Variants in TNRC6B observed in about 807,000 individuals in gnomAD.
TNRC6B encodes the protein trinucleotide repeat containing adaptor 6B.
In TNRC6B, 52 loss-of-function variants were observed where a neutral mutation model predicts 203.6. The observed-to-expected ratio is 0.26, with a 90% CI of 0.20 to 0.32. TNRC6B has a LOEUF of 0.32. Ranked by LOEUF, TNRC6B falls within the 10% of genes least tolerant of loss-of-function variation. TNRC6B has a pLI of 1.00. For synonymous variants in TNRC6B, 838 were observed against 845.7 expected (o/e 0.99, Z 0.16); for missense variants, 1,923 against 2,286.2 (o/e 0.84, Z 3.24).
Position 40,329,512 on chromosome 22 carries a change from C to T in TNRC6B, c.*6271C>T, listed in dbSNP as rs2071442145. 6.6e-6 allele frequency: 1 copy of T among 152,078 alleles called. No homozygotes were observed. Among genetic ancestry groups the T allele is most frequent in the African/African-American group, 2.4e-5 (1 of 41,392 alleles). 9.4% of individuals were successfully genotyped at this position (152,078 alleles called of 1,614,324 possible). ...TGAAATAATTATCAGCTCCAAGAAT[C>T]TGTGAACATAGTAATAACAATAAAA... On this transcript the variant is annotated 3_prime_UTR_variant, in exon 23 of 23. Transcript: ENST00000454349.
intron 17 of TNRC6B, 72 bp from the exon 18 acceptor site, chr22:40,312,433 A>T: frequency 6.9e-7 from 1 of 1,446,834 alleles, no homozygotes; most frequent in Non-Finnish European, 9.3e-7. Flanking sequence ...CCCATTTCTT[A>T]TGTCAAAAAA....
intron 21 of TNRC6B, 109 bp downstream of exon 21, chr22:40,316,121 G>A (rs1409858695): frequency 1.2e-5 from 11 of 917,740 alleles, no homozygotes; most frequent in African/African-American, 6.6e-5. Context: ...TTGGGAGGCC[G>A]AGGCGGGTGC....
At chr22:40,167,625 A>G (rs912949324) in intron 4 of TNRC6B, among the ~76,000 whole-genome samples, 2 of 150,322 alleles carry the variant, frequency 1.3e-5, no homozygotes, top group African/African-American at 4.9e-5. Context: ...CCGTGGCTCA[A>G]TCCTAGCACT....
In TNRC6B at chr22:40,254,190, C is replaced by CTTAAGG. The variant is rs1234371878; in HGVS notation, c.115+2991_115+2992insTAAGGT. Among the ~76,000 whole-genome samples, 3 of 152,250 alleles carry CTTAAGG rather than the reference C, an allele frequency of 2.0e-5. No individual in the cohort carries two copies. The East Asian group carries it at 5.8e-4, about 29-fold the overall frequency. On this transcript the variant is annotated intron_variant, in intron 3 of 22. Transcript: ENST00000454349. ...TAATAGAAAGCACTTAAGGTAGAAG[C>CTTAAGG]TAATATCCTCCTTCGTTGGATTTTA...
chr22:40,058,460 G>A (rs1207734160), intron 1 of TNRC6B, among the ~76,000 whole-genome samples: 2 of 147,736 alleles, frequency 1.4e-5, no homozygotes, highest in East Asian at 1.9e-4. Context: ...ACATTGTGGC[G>A]CCAGCCTGCG....
At chr22:40,147,469 G>A (rs984931591) in intron 3 of TNRC6B, among the ~76,000 whole-genome samples, 2 of 152,268 alleles carry the variant, frequency 1.3e-5, no homozygotes, top group East Asian at 3.9e-4. Context: ...TTTTCTGATA[G>A]TTCTAGAGGC....
Position 40,323,311 on chromosome 22 carries a change from T to TG in TNRC6B, c.*70_*71insG. On this transcript the variant is annotated 3_prime_UTR_variant, in exon 23 of 23. Transcript: ENST00000454349. ...CAGCAGCACTAACTTGACCTTTTCG[T>TG]TTTTTTTTTCAACTTGCAATAAATA... is the stretch of plus-strand genomic sequence containing the variant. The TG allele has an allele frequency of 7.1e-7, 1 of 1,405,380 alleles. No individual in the cohort carries two copies. The highest frequency in any genetic ancestry group is 2.5e-5 in the Admixed American group (1 of 39,916). The allele number at this position is 1,405,380 out of a possible 1,614,324, so 87.1% of individuals were successfully genotyped here.
intron 1 of TNRC6B, among the ~76,000 whole-genome samples, chr22:40,099,253 C>T (rs1416964579): frequency 3.0e-5 from 4 of 132,014 alleles, no homozygotes; most frequent in Non-Finnish European, 4.6e-5. Context: ...GACTCTGTCT[C>T]GAAAAAAAAA....
chr22:40,234,790 A>G (rs760564541), intron 1 of TNRC6B, among the ~76,000 whole-genome samples: 1 of 152,198 alleles, frequency 6.6e-6, no homozygotes, highest in Non-Finnish European at 1.5e-5. Context: ...TTTATGCCCT[A>G]GTGCTATTTG....
At chr22:40,299,933 T>G (rs1442556232) in intron 12 of TNRC6B, among the ~76,000 whole-genome samples, 3 of 152,226 alleles carry the variant, frequency 2.0e-5, no homozygotes. Context: ...TCAGTGACCT[T>G]CCAGGCTCTT....
chr22:40,109,375 G>T (rs2068313877), intron 1 of TNRC6B, among the ~76,000 whole-genome samples: 1 of 152,158 alleles, frequency 6.6e-6, no homozygotes, highest in Non-Finnish European at 1.5e-5. Context: ...TTCCACAATG[G>T]TTGAACTCAT....
rs1176754429 is a variant in TNRC6B, at chr22:40,332,936, A to G, written c.*9695A>G. Reference sequence around the variant, plus strand: ...AAGCCATCAGAAGTTTCAGATCTTTACTCTTTCATGTTTAAGAAGAAAGAG... The same window carrying G: ...AAGCCATCAGAAGTTTCAGATCTTTGCTCTTTCATGTTTAAGAAGAAAGAG... On this transcript the variant is annotated 3_prime_UTR_variant, in exon 23 of 23. Coordinates refer to ENST00000454349, the MANE Select transcript of TNRC6B (RefSeq NM_001162501.2). 2 of 152,362 alleles carry G rather than the reference A, an allele frequency of 1.3e-5. No individual in the cohort carries two copies. The highest frequency in any genetic ancestry group is 2.9e-5 in the Non-Finnish European group (2 of 67,998). The allele number at this position is 152,362 out of a possible 1,614,324, so 9.4% of individuals were successfully genotyped here. A position where few individuals can be genotyped will look rare whatever the true frequency, so the allele number is the denominator to read the frequency against.
At chr22:40,245,074 C>CATTTATTTATTT (rs36155056) in intron 1 of TNRC6B, among the ~76,000 whole-genome samples, 219 of 149,540 alleles carry the variant, frequency 1.5e-3, no homozygotes, top group South Asian at 3.6e-3. Flanking sequence ...ATAGGACATA[C>CATTTATTTATTT]ATTTATTTAT....
chr22:40,252,527 G>A (rs2070210057), intron 3 of TNRC6B, among the ~76,000 whole-genome samples: 1 of 152,202 alleles, frequency 6.6e-6, no homozygotes, highest in South Asian at 2.1e-4. Flanking sequence ...CTTAGTTATG[G>A]AAAATAAATT....
chr22:40,113,258 C>G (rs541410066), intron 1 of TNRC6B, among the ~76,000 whole-genome samples: 122 of 152,290 alleles, frequency 8.0e-4, no homozygotes, highest in African/African-American at 2.9e-3. Flanking sequence ...AGGGAGTGGC[C>G]TAAAACTGCA....
At chr22:40,175,509 CT>C (rs2069047762), upstream of TNRC6B, among the ~76,000 whole-genome samples, 1 of 152,108 alleles carries the variant, frequency 6.6e-6, no homozygotes. Context: ...CAATAATATT[CT>C]ACACTGGGGA....
intron 1 of TNRC6B, among the ~76,000 whole-genome samples, chr22:40,205,492 T>C (rs1444123590): frequency 6.6e-6 from 1 of 152,198 alleles, no homozygotes; most frequent in Non-Finnish European, 1.5e-5. Flanking sequence ...GGTTTGTCCA[T>C]AGAAACACTA....
chr22:40,331,073 T>C lies in TNRC6B; in HGVS notation c.*7832T>C, dbSNP rs569240755. 1 of 152,758 alleles carries C rather than the reference T, an allele frequency of 6.5e-6. No individual in the cohort carries two copies. Among genetic ancestry groups the C allele is most frequent in the South Asian group, 2.1e-4 (1 of 4,822 alleles). 9.5% of individuals were successfully genotyped at this position (152,758 alleles called of 1,614,324 possible). On this transcript the variant is annotated 3_prime_UTR_variant, in exon 23 of 23. Transcript: ENST00000454349. ...TTCTGTAAGCACTGGAGAATTGGAATATGGTGATACTTGTGACACATTCAT... is the reference window on the plus strand; with the variant it reads ...TTCTGTAAGCACTGGAGAATTGGAACATGGTGATACTTGTGACACATTCAT...
At chr22:40,125,645 A>G in intron 2 of TNRC6B, 1 of 608,286 alleles carries the variant, frequency 1.6e-6, no homozygotes. Flanking sequence ...ACACACACAC[A>G]CAAAGTTACT....
Sources: allele counts gnomAD v4.1 joint callset (sites outside exome capture counted in the v4.1 genomes callset), GRCh38; gene constraint gnomAD v4.1.1; transcripts MANE v1.5; gene names NCBI Gene and HGNC (gene_info 2026-07-23, HGNC 2026-07-21).